Variants in FRMPD4 observed in about 807,000 individuals in gnomAD.
FRMPD4 encodes FERM and PDZ domain containing 4, also known as FERM and PDZ domain-containing protein 4.
FRMPD4 carries 22 observed loss-of-function variants against 94.1 expected under a neutral mutation model. The observed-to-expected ratio is 0.23, with a 90% CI of 0.17 to 0.33. The LOEUF is 0.33. Ranked by LOEUF, FRMPD4 falls within the 10% of genes least tolerant of loss-of-function variation. The pLI, the probability that FRMPD4 is intolerant of heterozygous loss-of-function variation, is 1.00. For synonymous variants in FRMPD4, 631 were observed against 548.6 expected, an observed-to-expected ratio of 1.15 and a Z score of -2.10; for missense variants, 1,111 against 1,339.9, an observed-to-expected ratio of 0.83 and a Z score of 2.67.
chrX:12,359,521 A>G (rs776843592), intron 1 of FRMPD4, among the ~76,000 whole-genome samples: 2 of 102,929 alleles, frequency 1.9e-5, no homozygotes, highest in South Asian at 8.9e-4. Flanking sequence ...AGGCTGGAGT[A>G]TAGTGGCGCA....
At chrX:12,479,454 A>ATACACATATATG (rs2057652409) in intron 1 of FRMPD4, among the ~76,000 whole-genome samples, 2 of 100,942 alleles carry the variant, frequency 2.0e-5, no homozygotes, top group East Asian at 5.9e-4. Context: ...ATGTATATAT[A>ATACACATATATG]TGTATATATG....
intron 1 of FRMPD4, among the ~76,000 whole-genome samples, chrX:11,849,054 A>C (rs1376717275): frequency 1.8e-5 from 2 of 111,681 alleles, no homozygotes; most frequent in Non-Finnish European, 3.8e-5. Context: ...ACATGTAGAA[A>C]ACCCTAAAGA....
intron 3 of FRMPD4, among the ~76,000 whole-genome samples, chrX:11,910,441 A>G (rs901421273): frequency 9.0e-6 from 1 of 111,552 alleles, no homozygotes; most frequent in South Asian, 3.8e-4. Flanking sequence ...TTTTCTGGAG[A>G]CAGAGTCTCA....
rs913765514 is a variant in FRMPD4, at chrX:12,046,135, G to A, written c.95+168117G>A. Among the ~76,000 whole-genome samples the A allele has an allele frequency of 3.6e-5, 4 of 110,939 alleles. No individual in the cohort carries two copies. In the Admixed American group the frequency reaches 3.8e-4, roughly 11 times the overall value. Reference sequence around the variant, plus strand: ...CACAAGGAGAAACCAACAAATTCATGGTGAGAAGAATTAATACACTATTCT... The same window carrying A: ...CACAAGGAGAAACCAACAAATTCATAGTGAGAAGAATTAATACACTATTCT... On this transcript the variant is annotated intron_variant, in intron 3 of 18. Coordinates refer to the FRMPD4 transcript ENST00000640291.
intron 1 of FRMPD4, among the ~76,000 whole-genome samples, chrX:12,339,269 G>A: frequency 8.9e-6 from 1 of 112,153 alleles, no homozygotes; most frequent in Middle Eastern, 4.6e-3. Context: ...ATCAGGACAG[G>A]ATGCATATGA....
chrX:12,015,710 T>A (rs1304931038), intron 3 of FRMPD4, among the ~76,000 whole-genome samples: 1 of 112,359 alleles, frequency 8.9e-6, no homozygotes, highest in African/African-American at 3.2e-5. Flanking sequence ...CAAGGGATGT[T>A]CTTTAGAATA....
chrX:12,429,814 G>A (rs1039642898), intron 1 of FRMPD4, among the ~76,000 whole-genome samples: 2 of 112,187 alleles, frequency 1.8e-5, no homozygotes, highest in Non-Finnish European at 3.8e-5. Context: ...TGATTAGGCT[G>A]TGAGGGTTCC....
At chrX:12,066,506 C>T (rs1037518896) in intron 3 of FRMPD4, among the ~76,000 whole-genome samples, 1 of 111,756 alleles carries the variant, frequency 8.9e-6, no homozygotes, top group African/African-American at 3.2e-5. Flanking sequence ...TTCTTTTCTG[C>T]TTTTTGCCCT....
chrX:12,165,724 C>A (rs12394937), intron 1 of FRMPD4, among the ~76,000 whole-genome samples: 5,298 of 109,899 alleles, frequency 0.048, 318 homozygotes, highest in African/African-American at 0.17. Context: ...CTTTTATTTC[C>A]TTGAGCAGTG....
chrX:11,971,995 C>T (rs2054342761), intron 3 of FRMPD4, among the ~76,000 whole-genome samples: 3 of 111,140 alleles, frequency 2.7e-5, no homozygotes, highest in African/African-American at 9.8e-5. Flanking sequence ...GAAACTGTGG[C>T]CCTGGGAGTC....
At chrX:12,587,671 T>C (rs1294670064) in intron 2 of FRMPD4, among the ~76,000 whole-genome samples, 1 of 101,535 alleles carries the variant, frequency 9.8e-6, no homozygotes, top group South Asian at 4.3e-4. Flanking sequence ...TGTGTGTGTG[T>C]GTGTCACTAT....
chrX:12,138,600 G>A lies in FRMPD4; in HGVS notation c.-372G>A, dbSNP rs188863526. On this transcript the variant is annotated 5_prime_UTR_variant, in exon 1 of 17. Coordinates refer to ENST00000675598, the MANE Select transcript of FRMPD4 (RefSeq NM_001368397.1). ...CCGGGAAGCCAGAGCAGCGCCTCTC[G>A]CCCAGGCCTCGCTTTCTCTGGACGC... 2.1e-3 allele frequency: 585 copies of A among 277,812 alleles called. 1 individual carries two copies. The highest frequency in any genetic ancestry group is 0.014 in the African/African-American group (514 of 36,102). The allele number at this position is 277,812 out of a possible 1,213,427, so 22.9% of individuals were successfully genotyped here.
intron 1 of FRMPD4, among the ~76,000 whole-genome samples, chrX:12,388,346 C>T (rs912657131): frequency 4.4e-4 from 49 of 112,040 alleles, no homozygotes; most frequent in Non-Finnish European, 7.3e-4. Flanking sequence ...GTGGCTCACG[C>T]CTGTAATCCC....
intron 1 of FRMPD4, among the ~76,000 whole-genome samples, chrX:12,331,587 C>A (rs12013905): frequency 0.078 from 6,095 of 78,528 alleles, 590 homozygotes; most frequent in African/African-American, 0.27. Flanking sequence ...TTATATGAAA[C>A]GAATCATATA....
At chrX:12,549,766 A>C (rs779012137) in intron 2 of FRMPD4, among the ~76,000 whole-genome samples, 1 of 112,474 alleles carries the variant, frequency 8.9e-6, no homozygotes, top group African/African-American at 3.2e-5. Flanking sequence ...GTGAAAGGAA[A>C]TTCTTCCAAG....
intron 3 of FRMPD4, among the ~76,000 whole-genome samples, chrX:11,942,092 G>A (rs921648322): frequency 8.9e-6 from 1 of 112,251 alleles, no homozygotes; most frequent in Non-Finnish European, 1.9e-5. Context: ...TTCTTTCTCA[G>A]TATAAACTTA....
intron 3 of FRMPD4, among the ~76,000 whole-genome samples, chrX:11,880,166 T>C (rs2053805878): frequency 8.9e-6 from 1 of 111,984 alleles, no homozygotes; most frequent in Non-Finnish European, 1.9e-5. Context: ...ACCAGCTTGA[T>C]CTGGTATGCA....
intron 1 of FRMPD4, among the ~76,000 whole-genome samples, chrX:12,392,224 A>G (rs979537334): frequency 9.3e-6 from 1 of 107,068 alleles, no homozygotes; most frequent in Non-Finnish European, 1.9e-5. Flanking sequence ...TATTTTGGGT[A>G]GAAACGGGGT....
In FRMPD4 at chrX:12,716,993, T is replaced by C. The variant is rs1344571898; in HGVS notation, c.2534T>C (p.Ile845Thr). 8.3e-7 allele frequency: 1 copy of C among 1,208,868 alleles called. No homozygotes were observed. Among genetic ancestry groups the C allele is most frequent in the Non-Finnish European group, 1.1e-6 (1 of 892,846 alleles). The change falls in exon 15 of 17, where the codon ATC becomes ACC. Residue 845 changes from isoleucine (I) to threonine (T), a missense_variant. This residue lies in a region of FRMPD4 where 74 missense variants were observed against 93.9 expected (regional missense o/e 0.79). Transcript: ENST00000675598. ...EKGSSLQNDE[I>T]PVSLIDAVPT... ...GGCAGCAGCCTGCAAAATGATGAGA[T>C]CCCCGTGTCCCTCATTGACGCTGTG...
Sources: gnomAD v4.1 joint callset for allele counts (sites outside exome capture counted in the v4.1 genomes callset) on GRCh38, gnomAD v4.1.1 for gene constraint, gnomAD v4.1.1 regional missense constraint, MANE v1.5 for transcripts, NCBI Gene and HGNC (gene_info 2026-07-23, HGNC 2026-07-21) for gene names.